The following MAP2K5 variants were observed in gnomAD, a reference collection of about 807,000 sequenced individuals.
The protein encoded by MAP2K5 is dual specificity mitogen-activated protein kinase kinase 5.
A neutral mutation model predicts 83.1 loss-of-function variants in MAP2K5; 49 were observed. The observed-to-expected ratio is 0.59, with a 90% confidence interval of 0.47 to 0.75. The LOEUF is 0.75. Ranked by LOEUF, MAP2K5 falls within the 30% of genes least tolerant of loss-of-function variation. MAP2K5 has a pLI of 0.00. For missense variants in MAP2K5, 457 were observed against 557.5 expected (o/e 0.82, Z 1.82); for synonymous variants, 202 against 191.8 (o/e 1.05, Z -0.44).
At position 67,698,536 on chromosome 15, in the gene MAP2K5, G is replaced by C. The variant is rs1027918692; in HGVS notation, c.973-4801G>C. 6.6e-6 allele frequency among the ~76,000 whole-genome samples: 1 copy of C among 152,100 alleles called. No individual in the cohort carries two copies. The highest frequency in any genetic ancestry group is 1.5e-5 in the Non-Finnish European group (1 of 68,022). On this transcript the variant is annotated intron_variant, in intron 15 of 21. Transcript: ENST00000178640. This position sits in a 1 kb window ranked among gnomAD's most constrained non-coding sequence, Gnocchi z 4.5. ...ATTTTATTATGTTTTTAAGATAGAA[G>C]TTCCTAAAACTTTAACCAACTATTC...
intron 16 of MAP2K5, among the ~76,000 whole-genome samples, chr15:67,727,549 A>T (rs774929560): frequency 2.9e-4 from 44 of 152,186 alleles, no homozygotes; most frequent in Non-Finnish European, 5.7e-4. Context: ...TAACAATTAG[A>T]TGTTCCCATT....
At chr15:67,579,320 T>C (rs1303872022) in intron 3 of MAP2K5, among the ~76,000 whole-genome samples, 2 of 152,256 alleles carry the variant, frequency 1.3e-5, no homozygotes, top group Non-Finnish European at 1.5e-5. Flanking sequence ...TTAACAGTTA[T>C]TGCTGTCCCA....
chr15:67,701,454 C>T, intron 15 of MAP2K5, among the ~76,000 whole-genome samples: 1 of 152,118 alleles, frequency 6.6e-6, no homozygotes, highest in East Asian at 1.9e-4. Flanking sequence ...TTTTACAACA[C>T]AGTGTGATAA....
In MAP2K5 at chr15:67,760,123, C is replaced by T. The variant is rs1327503713; in HGVS notation, c.1135-9479C>T. ...GGTTTGAAAATTGAAAATAGGTTAG[C>T]ATTAAGGCCAGGATTCCTTTAGTAA... On this transcript the variant is annotated intron_variant, in intron 19 of 21. Coordinates refer to ENST00000178640, the MANE Select transcript of MAP2K5 (RefSeq NM_145160.3). This position sits in a 1 kb window ranked among gnomAD's most constrained non-coding sequence, Gnocchi z 4.1. Among the ~76,000 whole-genome samples, 2 of 152,298 alleles carry T rather than the reference C, an allele frequency of 1.3e-5. No homozygotes were observed. The highest frequency in any genetic ancestry group is 2.1e-4 in the South Asian group (1 of 4,822).
chr15:67,755,821 G>C lies in MAP2K5; in HGVS notation c.1134+7220G>C, dbSNP rs979258200. Among the ~76,000 whole-genome samples the C allele has an allele frequency of 5.3e-5, 8 of 152,238 alleles. No individual in the cohort carries two copies. The highest frequency in any genetic ancestry group is 1.0e-4 in the Non-Finnish European group (7 of 68,000). The stretch of plus-strand genomic sequence containing the variant: ...GTAATGATGAGCTGTTGAATTCAGG[G>C]CTTTTTGCCAAGAAAGTCTGTTTCC... On this transcript the variant is annotated intron_variant, in intron 19 of 21. Transcript: ENST00000178640. This position sits in a 1 kb window ranked among gnomAD's most constrained non-coding sequence, Gnocchi z 4.7.
intron 8 of MAP2K5, among the ~76,000 whole-genome samples, chr15:67,622,680 G>T (rs926172714): frequency 8.5e-5 from 13 of 152,096 alleles, no homozygotes; most frequent in African/African-American, 3.1e-4. Context: ...ACATGGCAGC[G>T]CTCACTGCCC....
intron 17 of MAP2K5, among the ~76,000 whole-genome samples, chr15:67,732,379 A>G (rs1448860005): frequency 6.6e-6 from 1 of 152,234 alleles, no homozygotes; most frequent in Non-Finnish European, 1.5e-5. Flanking sequence ...GAGACTTCTC[A>G]GGGGATGCAT....
chr15:67,659,498 GC>G (rs1455200532), intron 12 of MAP2K5: 2 of 152,064 alleles, frequency 1.3e-5, no homozygotes, highest in Admixed American at 1.3e-4. Context: ...AGTGTGAAGT[GC>G]CCTGGGTGAT....
chr15:67,567,622 C>G (rs868177264), intron 3 of MAP2K5, among the ~76,000 whole-genome samples: 11 of 152,154 alleles, frequency 7.2e-5, no homozygotes, highest in Non-Finnish European at 1.5e-4. Flanking sequence ...CCTCGGCCTC[C>G]CAAAGTGCTG....
intron 13 of MAP2K5, among the ~76,000 whole-genome samples, chr15:67,666,447 A>G (rs756272213): frequency 6.6e-6 from 1 of 152,158 alleles, no homozygotes; most frequent in Non-Finnish European, 1.5e-5. Flanking sequence ...ATCTTGATAG[A>G]CATGTTTCAG....
intron 11 of MAP2K5, among the ~76,000 whole-genome samples, chr15:67,650,134 G>GAACTGTTCAT (rs1198474439): frequency 1.4e-4 from 21 of 152,120 alleles, no homozygotes; most frequent in Admixed American, 1.3e-3. Context: ...TTCATTGCCA[G>GAACTGTTCAT]TGTATAGAAC....
rs558253497 is a variant in MAP2K5, at chr15:67,724,282, C to A, written c.1045-3634C>A. ...TAAAAGATACAGAATGGCCCCAGGT[C>A]TGCCTGTGTGTGAAATATTCACTTG... On this transcript the variant is annotated intron_variant, in intron 16 of 21. Coordinates refer to ENST00000178640, the MANE Select transcript of MAP2K5 (RefSeq NM_145160.3). This position sits in a 1 kb window ranked among gnomAD's most constrained non-coding sequence, Gnocchi z 4.4. 2.6e-5 allele frequency among the ~76,000 whole-genome samples: 4 copies of A among 152,336 alleles called. No homozygotes were observed. The East Asian group carries it at 7.7e-4, about 29-fold the overall frequency.
chr15:67,722,754 G>C lies in MAP2K5; in HGVS notation c.1045-5162G>C, dbSNP rs1009069072. Among the ~76,000 whole-genome samples the C allele has an allele frequency of 2.6e-5, 4 of 152,124 alleles. No individual in the cohort carries two copies. Among genetic ancestry groups the C allele is most frequent in the Non-Finnish European group, 5.9e-5 (4 of 68,018 alleles). The stretch of plus-strand genomic sequence containing the variant: ...TGTGTCTGAGTGTTCCAAAGTGGCT[G>C]CTGCATTTCTATAAAATGAAGATTT... On this transcript the variant is annotated intron_variant, in intron 16 of 21. Transcript: ENST00000178640. This position sits in a 1 kb window ranked among gnomAD's most constrained non-coding sequence, Gnocchi z 4.2.
At chr15:67,700,498 T>C (rs1306628197) in intron 15 of MAP2K5, among the ~76,000 whole-genome samples, 1 of 152,220 alleles carries the variant, frequency 6.6e-6, no homozygotes, top group Admixed American at 6.5e-5. Flanking sequence ...ATAGATATTC[T>C]GTCAACAACA....
At chr15:67,619,147 C>A (rs144413112) in intron 8 of MAP2K5, among the ~76,000 whole-genome samples, 1 of 152,104 alleles carries the variant, frequency 6.6e-6, no homozygotes, top group Non-Finnish European at 1.5e-5. Flanking sequence ...ACCTGGAATC[C>A]CCTTCCCCTA....
intron 16 of MAP2K5, among the ~76,000 whole-genome samples, chr15:67,726,176 A>C (rs2089091944): frequency 6.6e-6 from 1 of 152,212 alleles, no homozygotes; most frequent in Non-Finnish European, 1.5e-5. Flanking sequence ...TAATGAAACT[A>C]GGTATTCTAA....
chr15:67,631,456 A>T (rs1422399853), intron 9 of MAP2K5, among the ~76,000 whole-genome samples: 2 of 152,160 alleles, frequency 1.3e-5, no homozygotes, highest in Non-Finnish European at 2.9e-5. Flanking sequence ...ACTCTGCCAC[A>T]GATTTGAGAA....
intron 1 of MAP2K5, among the ~76,000 whole-genome samples, chr15:67,548,598 C>T (rs1003345548): frequency 6.6e-6 from 1 of 152,172 alleles, no homozygotes; most frequent in African/African-American, 2.4e-5. Context: ...ATTTTGTGCA[C>T]TCAGCTGTGC....
At chr15:67,593,354 C>T (rs1366706876) in intron 7 of MAP2K5, among the ~76,000 whole-genome samples, 1 of 152,094 alleles carries the variant, frequency 6.6e-6, no homozygotes, top group Non-Finnish European at 1.5e-5. Flanking sequence ...TTCTTTTGTC[C>T]TGAAACTAAC....
Sources: gnomAD v4.1 joint callset for allele counts (sites outside exome capture counted in the v4.1 genomes callset) on GRCh38, gnomAD v4.1.1 for gene constraint, Gnocchi (gnomAD v3.1) non-coding constraint, MANE v1.5 for transcripts, NCBI Gene and HGNC (gene_info 2026-07-23, HGNC 2026-07-21) for gene names.